CACNA1C: variants seen among roughly 807,000 people sequenced by gnomAD.
CACNA1C encodes the protein voltage-dependent L-type calcium channel subunit alpha-1C.
In CACNA1C, 30 loss-of-function variants were observed where a neutral mutation model predicts 229.0. That is an observed-to-expected ratio of 0.13 (90% CI 0.10 to 0.18). The LOEUF (loss-of-function observed/expected upper bound fraction) is 0.18, where lower values mean the gene tolerates loss of function less well. CACNA1C is among the 10% of genes least tolerant of loss of function. The pLI, the probability that CACNA1C is intolerant of heterozygous loss-of-function variation, is 1.00. For missense variants in CACNA1C, 1,658 were observed against 2,845.0 expected, an observed-to-expected ratio of 0.58 and a Z score of 9.49; for synonymous variants, 1,114 against 1,132.5, an observed-to-expected ratio of 0.98 and a Z score of 0.33.
chr12:2,600,834 A>C (rs940302013), intron 21 of CACNA1C, among the ~76,000 whole-genome samples: 2 of 152,156 alleles, frequency 1.3e-5, no homozygotes, highest in Non-Finnish European at 2.9e-5. Flanking sequence ...CAGAATTCAA[A>C]TCCAGGCTGT....
chr12:2,236,624 TCA>T (rs1302531115), intron 3 of CACNA1C, among the ~76,000 whole-genome samples: 7 of 152,282 alleles, frequency 4.6e-5, no homozygotes, highest in Admixed American at 2.0e-4. Flanking sequence ...CTAACTTTTC[TCA>T]GTTACCATTA....
intron 13 of CACNA1C, among the ~76,000 whole-genome samples, chr12:2,573,870 A>G (rs961927462): frequency 2.6e-5 from 4 of 152,236 alleles, no homozygotes; most frequent in African/African-American, 9.6e-5. Context: ...GTGGACTTAC[A>G]ACTCATCCAT....
chr12:2,597,915 C>T lies in CACNA1C; in HGVS notation c.2853+626C>T, dbSNP rs1262021252. On this transcript the variant is annotated intron_variant, in intron 21 of 46. Coordinates refer to ENST00000399655, the MANE Select transcript of CACNA1C (RefSeq NM_000719.7). This position sits in a 1 kb window ranked among gnomAD's most constrained non-coding sequence, Gnocchi z 4.3. The stretch of plus-strand genomic sequence containing the variant: ...TTCATACACTCTGAAAGTGGGAAAC[C>T]TCCTGGGGCGTGAAAGAATCACTTG... Among the ~76,000 whole-genome samples the T allele has an allele frequency of 6.6e-6, 1 of 152,204 alleles. No individual in the cohort carries two copies. The highest frequency in any genetic ancestry group is 2.4e-5 in the African/African-American group (1 of 41,454).
intron 5 of CACNA1C, among the ~76,000 whole-genome samples, chr12:2,464,776 A>G (rs2099539388): frequency 6.6e-6 from 1 of 152,258 alleles, no homozygotes; most frequent in Non-Finnish European, 1.5e-5. Flanking sequence ...GAGAGGTGAG[A>G]AGGAGCACTG....
At chr12:2,449,926 T>C (rs771930424) in intron 4 of CACNA1C, among the ~76,000 whole-genome samples, 13 of 152,200 alleles carry the variant, frequency 8.5e-5, no homozygotes, top group Non-Finnish European at 1.8e-4. Flanking sequence ...CAGAGGCCTC[T>C]TCCCCATTCT....
intron 3 of CACNA1C, among the ~76,000 whole-genome samples, chr12:2,169,386 A>G (rs1046398628): frequency 1.3e-5 from 2 of 152,178 alleles, no homozygotes; most frequent in Admixed American, 6.5e-5. Flanking sequence ...ATCACTTCAG[A>G]TATTTGCTAG....
chr12:2,308,805 G>A (rs942240405), intron 3 of CACNA1C, among the ~76,000 whole-genome samples: 1 of 152,146 alleles, frequency 6.6e-6, no homozygotes, highest in African/African-American at 2.4e-5. Context: ...CCCCACACCT[G>A]TCAGAATGGC....
rs1211532437 is a variant in CACNA1C at position 2,612,329 on chromosome 12, A to G, written c.3828+316A>G. 3.6e-5 allele frequency: 10 copies of G among 277,298 alleles called. No individual in the cohort carries two copies. In the East Asian group the frequency reaches 7.2e-4, roughly 20 times the overall value. 17.2% of individuals were successfully genotyped at this position (277,298 alleles called of 1,614,324 possible). ...GTCTTTCTCCTATGTCCCATCCTCT[A>G]GTACATAACCTGTTAATAGAAGAAA... On this transcript the variant is annotated intron_variant, in intron 29 of 46. Transcript: ENST00000399655.
At chr12:2,583,008 C>G in intron 15 of CACNA1C, 66 bp downstream of exon 15, 1 of 1,218,698 alleles carries the variant, frequency 8.2e-7, no homozygotes, top group South Asian at 1.3e-5. Flanking sequence ...CAGTGCCAAA[C>G]GGGCACGCCC....
In CACNA1C at chr12:2,184,259, G is replaced by A. The variant is rs113749520; in HGVS notation, c.477+63829G>A. Among the ~76,000 whole-genome samples the A allele has an allele frequency of 7.9e-5, 12 of 152,334 alleles. 1 individual carries two copies. Among genetic ancestry groups the A allele is most frequent in the African/African-American group, 2.4e-4 (10 of 41,576 alleles). On this transcript the variant is annotated intron_variant, in intron 3 of 46. Coordinates refer to ENST00000399655, the MANE Select transcript of CACNA1C (RefSeq NM_000719.7). ...TATTTAATGTGTCTTCTGAAGCCAC[G>A]AGGCCTCGGCTTTGTAACTTGCTTT...
In CACNA1C at chr12:2,606,966, C is replaced by T. The variant is rs1568743006; in HGVS notation, c.3210-18C>T. The T allele has an allele frequency of 1.2e-6, 2 of 1,612,522 alleles. No homozygotes were observed. On this transcript the variant is annotated intron_variant, in intron 25 of 46. Coordinates refer to ENST00000399655, the MANE Select transcript of CACNA1C (RefSeq NM_000719.7). The stretch of plus-strand genomic sequence containing the variant: ...AGATGGGAGATCCCAGAGTAAACTC[C>T]TTCTCCTCCTCTCTCAGGGGCAACT...
intron 3 of CACNA1C, among the ~76,000 whole-genome samples, chr12:2,150,480 G>A (rs536227377): frequency 5.9e-5 from 9 of 152,308 alleles, no homozygotes; most frequent in Non-Finnish European, 4.4e-5. Context: ...AACAAGAGCC[G>A]TGTTCACATC....
chr12:2,462,382 C>A (rs974227387), intron 5 of CACNA1C, among the ~76,000 whole-genome samples: 1 of 152,186 alleles, frequency 6.6e-6, no homozygotes, highest in East Asian at 1.9e-4. Flanking sequence ...CCTCGGCCCC[C>A]GCTGATGCCA....
At chr12:2,434,457 A>G (rs576926975) in intron 3 of CACNA1C, among the ~76,000 whole-genome samples, 11 of 152,360 alleles carry the variant, frequency 7.2e-5, no homozygotes, top group African/African-American at 2.6e-4. Flanking sequence ...ATGGAGACAC[A>G]GGAAGGTTAA....
chr12:2,172,023 C>G lies in CACNA1C; in HGVS notation c.477+51593C>G, dbSNP rs200681283. ...GTCTCTGAACCGAGCTGTGGGAGAGCGTGAATGCAGGGTTGTTCCTGCTTT... is the reference window on the plus strand; with the variant it reads ...GTCTCTGAACCGAGCTGTGGGAGAGGGTGAATGCAGGGTTGTTCCTGCTTT... On this transcript the variant is annotated intron_variant, in intron 3 of 46. Transcript: ENST00000399655. Among the ~76,000 whole-genome samples the G allele has an allele frequency of 2.0e-5, 3 of 152,270 alleles. No individual in the cohort carries two copies. The East Asian group carries it at 5.8e-4, about 29-fold the overall frequency.
chr12:2,567,714 G>A lies in CACNA1C; in HGVS notation c.1815G>A (p.Leu605=), dbSNP rs1555800189. ...VVCGGILETI[L]VETKIMSPLG... is the part of the protein sequence containing the mutation. ...GTGGCGGCATCCTGGAGACCATCCT[G>A]GTGGAGACCAAGATCATGTCCCCAC... Residue 605 remains leucine (L), a synonymous_variant, in exon 13 of 47, where the codon CTG becomes CTA. Transcript: ENST00000399655. The A allele has an allele frequency of 6.2e-7, 1 of 1,613,612 alleles. No homozygotes were observed. The highest frequency in any genetic ancestry group is 1.1e-5 in the South Asian group (1 of 90,994).
intron 3 of CACNA1C, among the ~76,000 whole-genome samples, chr12:2,200,003 T>A (rs781605754): frequency 6.6e-6 from 1 of 152,220 alleles, no homozygotes; most frequent in East Asian, 1.9e-4. Flanking sequence ...TCTGAAATGA[T>A]CTCATTTATT....
chr12:2,686,504 C>T (rs76096427), intron 45 of CACNA1C, among the ~76,000 whole-genome samples: 4 of 152,244 alleles, frequency 2.6e-5, no homozygotes, highest in African/African-American at 9.6e-5. Context: ...TGCACAGGAG[C>T]TCTTTGTGTG....
At chr12:2,286,233 G>A (rs960884731) in intron 3 of CACNA1C, among the ~76,000 whole-genome samples, 2 of 152,196 alleles carry the variant, frequency 1.3e-5, no homozygotes, top group South Asian at 2.1e-4. Context: ...TAGAGTTAAT[G>A]TCAAAGCTTG....
Sources: allele counts gnomAD v4.1 joint callset (sites outside exome capture counted in the v4.1 genomes callset), GRCh38; gene constraint gnomAD v4.1.1; non-coding constraint Gnocchi (gnomAD v3.1); transcripts MANE v1.5; gene names NCBI Gene and HGNC (gene_info 2026-07-23, HGNC 2026-07-21).